The following SOX5 variants were observed in gnomAD, a reference collection of about 807,000 sequenced individuals.
The protein encoded by SOX5 is SRY-box transcription factor 5.
Under a neutral mutation model 92.0 loss-of-function variants are expected in SOX5, and 9 were observed. The observed-to-expected ratio is 0.10, with a 90% CI of 0.06 to 0.17. SOX5 has a LOEUF of 0.17. SOX5 is among the 10% of genes least tolerant of loss of function. The pLI, the probability that SOX5 is intolerant of heterozygous loss-of-function variation, is 1.00. For synonymous variants in SOX5, 344 were observed against 336.3 expected (o/e 1.02, Z -0.25); for missense variants, 642 against 944.5 (o/e 0.68, Z 4.20).
intron 2 of SOX5, among the ~76,000 whole-genome samples, chr12:24,326,137 C>T (rs1950656194): frequency 6.6e-6 from 1 of 152,144 alleles, no homozygotes; most frequent in African/African-American, 2.4e-5. Context: ...CAGCATCTGG[C>T]ACAGAGTGGG....
chr12:23,769,527 T>G (rs189601363), intron 3 of SOX5, among the ~76,000 whole-genome samples: 9 of 152,084 alleles, frequency 5.9e-5, no homozygotes, highest in Non-Finnish European at 1.2e-4. Context: ...AGCTCTAGGC[T>G]CTCCAGTTGG....
chr12:23,675,535 C>T (rs2085528776), intron 6 of SOX5, among the ~76,000 whole-genome samples: 2 of 152,104 alleles, frequency 1.3e-5, no homozygotes, highest in South Asian at 4.1e-4. Context: ...CCATACAAAA[C>T]ACACAGAGAA....
At chr12:23,895,219 A>AAAT (rs1478096588) in intron 2 of SOX5, among the ~76,000 whole-genome samples, 1 of 151,802 alleles carries the variant, frequency 6.6e-6, no homozygotes, top group East Asian at 1.9e-4. Flanking sequence ...AAAAAAAAAA[A>AAAT]AAAAAAAAAT....
chr12:24,358,427 G>A (rs559615159), intron 2 of SOX5, among the ~76,000 whole-genome samples: 5 of 152,018 alleles, frequency 3.3e-5, no homozygotes, highest in African/African-American at 1.2e-4. Flanking sequence ...TCTCCTCTTT[G>A]TTTTGTATCT....
intron 9 of SOX5, among the ~76,000 whole-genome samples, chr12:23,579,466 T>C (rs751795062): frequency 2.5e-4 from 38 of 152,186 alleles, no homozygotes; most frequent in Non-Finnish European, 5.1e-4. Flanking sequence ...AATTTTGTTC[T>C]TTTAATAATT....
chr12:24,350,156 T>C (rs1249338262), intron 2 of SOX5, among the ~76,000 whole-genome samples: 1 of 152,210 alleles, frequency 6.6e-6, no homozygotes, highest in East Asian at 1.9e-4. Flanking sequence ...ATCCTATTCA[T>C]TGAGCACTGA....
At chr12:23,694,671 C>T (rs1433278437) in intron 6 of SOX5, among the ~76,000 whole-genome samples, 2 of 152,174 alleles carry the variant, frequency 1.3e-5, no homozygotes, top group African/African-American at 4.8e-5. Context: ...CACAAACACC[C>T]TGTACTCATT....
At chr12:24,289,602 C>A (rs1308401694) in intron 2 of SOX5, among the ~76,000 whole-genome samples, 7 of 142,986 alleles carry the variant, frequency 4.9e-5, no homozygotes, top group African/African-American at 2.0e-4. Flanking sequence ...TACAGGCGCC[C>A]GCCACTACGC....
At chr12:23,891,931 T>C (rs1214168197) in intron 2 of SOX5, among the ~76,000 whole-genome samples, 1 of 152,084 alleles carries the variant, frequency 6.6e-6, no homozygotes, top group Non-Finnish European at 1.5e-5. Context: ...TGCTAGAAAA[T>C]GAAATCACTA....
chr12:24,132,403 G>C (rs986181317), intron 4 of SOX5, among the ~76,000 whole-genome samples: 1 of 152,058 alleles, frequency 6.6e-6, no homozygotes, highest in Non-Finnish European at 1.5e-5. Flanking sequence ...AACACTTTAG[G>C]AAAACAATGT....
chr12:24,384,058 C>T (rs1427859269), intron 1 of SOX5, among the ~76,000 whole-genome samples: 1 of 152,158 alleles, frequency 6.6e-6, no homozygotes, highest in Non-Finnish European at 1.5e-5. Context: ...GTAAGATGTG[C>T]CTCTTCCTCT....
intron 1 of SOX5, among the ~76,000 whole-genome samples, chr12:24,552,085 A>T (rs1435787101): frequency 7.3e-6 from 1 of 136,702 alleles, no homozygotes; most frequent in Non-Finnish European, 1.6e-5. Flanking sequence ...CCCCTTCCCC[A>T]CTCCCCAACC....
At chr12:24,384,095 G>A (rs1358984932) in intron 1 of SOX5, among the ~76,000 whole-genome samples, 1 of 152,048 alleles carries the variant, frequency 6.6e-6, no homozygotes, top group Non-Finnish European at 1.5e-5. Context: ...GTTTCCTGAG[G>A]CCTCTCCAGC....
In SOX5 at chr12:24,445,438, A is replaced by C. The variant is rs566723999; in HGVS notation, c.-250-76799T>G. On this transcript the variant is annotated intron_variant, in intron 1 of 4. Coordinates refer to the SOX5 transcript ENST00000446891. Reference sequence around the variant, plus strand: ...GAGTTTCATATAGATTCAAAGATAGAGTCTAAAGTGGATTATTAGACAGAT... The same window carrying C: ...GAGTTTCATATAGATTCAAAGATAGCGTCTAAAGTGGATTATTAGACAGAT... Among the ~76,000 whole-genome samples the C allele has an allele frequency of 2.8e-4, 43 of 152,292 alleles. No homozygotes were observed. In the South Asian group the frequency reaches 8.3e-3, roughly 29 times the overall value.
At chr12:24,522,470 A>C (rs899874488) in intron 1 of SOX5, among the ~76,000 whole-genome samples, 1 of 152,174 alleles carries the variant, frequency 6.6e-6, no homozygotes, top group Non-Finnish European at 1.5e-5. Flanking sequence ...ACAACACCAC[A>C]AGAAAAGAAG....
At chr12:23,790,486 T>TG (rs1346907686) in intron 3 of SOX5, among the ~76,000 whole-genome samples, 1 of 151,408 alleles carries the variant, frequency 6.6e-6, no homozygotes, top group Non-Finnish European at 1.5e-5. Context: ...TGTCCCTTCT[T>TG]GCAGCGCCTG....
chr12:24,343,765 G>C (rs1292812807), intron 2 of SOX5, among the ~76,000 whole-genome samples: 2 of 152,152 alleles, frequency 1.3e-5, no homozygotes, highest in African/African-American at 4.8e-5. Context: ...CAGGTAAGAA[G>C]TTGGAGGGGC....
intron 1 of SOX5, among the ~76,000 whole-genome samples, chr12:24,403,143 T>C (rs1220309363): frequency 6.6e-6 from 1 of 152,228 alleles, no homozygotes; most frequent in African/African-American, 2.4e-5. Flanking sequence ...GCAGATGTTC[T>C]TTCTTCCCTG....
chr12:24,155,331 TC>T (rs1231635905), intron 4 of SOX5, among the ~76,000 whole-genome samples: 1 of 152,140 alleles, frequency 6.6e-6, no homozygotes, highest in Non-Finnish European at 1.5e-5. Context: ...CCCATTTTTT[TC>T]TTCTATTATC....
Sources: allele counts gnomAD v4.1 joint callset (sites outside exome capture counted in the v4.1 genomes callset), GRCh38; gene constraint gnomAD v4.1.1; transcripts MANE v1.5; gene names NCBI Gene and HGNC (gene_info 2026-07-23, HGNC 2026-07-21).